DPP10: variants seen among roughly 807,000 people sequenced by gnomAD.
The protein encoded by DPP10 is dipeptidyl peptidase like 10.
DPP10 carries 33 observed loss-of-function variants against 120.9 expected under a neutral mutation model. That is an observed-to-expected ratio of 0.27 (90% CI 0.21 to 0.37). The LOEUF (loss-of-function observed/expected upper bound fraction) is 0.37, where lower values mean the gene tolerates loss of function less well. Ranked by LOEUF, DPP10 falls within the 10% of genes least tolerant of loss-of-function variation. DPP10 has a pLI of 1.00. For missense variants in DPP10, 816 were observed against 942.8 expected (o/e 0.87, Z 1.76); for synonymous variants, 337 against 326.1 (o/e 1.03, Z -0.36).
intron 1 of DPP10, among the ~76,000 whole-genome samples, chr2:114,838,522 T>C (rs995486742): frequency 3.3e-5 from 5 of 151,988 alleles, no homozygotes; most frequent in African/African-American, 1.2e-4. Context: ...ACCATGTTGG[T>C]AAAGTTGGTC....
At chr2:114,971,676 G>A (rs777249533) in intron 1 of DPP10, among the ~76,000 whole-genome samples, 28 of 152,068 alleles carry the variant, frequency 1.8e-4, no homozygotes, top group Admixed American at 3.3e-4. Flanking sequence ...ATAAGATTTC[G>A]CAAGAAACAC....
intron 1 of DPP10, among the ~76,000 whole-genome samples, chr2:114,757,233 G>C (rs1186176048): frequency 7.0e-6 from 1 of 143,018 alleles, no homozygotes; most frequent in East Asian, 2.1e-4. Flanking sequence ...GTGGGGAAGA[G>C]GGAGGAAGGA....
At chr2:115,560,794 T>G (rs1027367697) in intron 5 of DPP10, among the ~76,000 whole-genome samples, 2 of 152,062 alleles carry the variant, frequency 1.3e-5, no homozygotes, top group African/African-American at 4.8e-5. Context: ...CTCATCTTAC[T>G]GTGGTCATTA....
chr2:114,916,446 G>A (rs1379440716), intron 1 of DPP10, among the ~76,000 whole-genome samples: 2 of 152,116 alleles, frequency 1.3e-5, no homozygotes, highest in African/African-American at 2.4e-5. Context: ...AATCAAAGAG[G>A]AGGTATTACT....
intron 5 of DPP10, among the ~76,000 whole-genome samples, chr2:115,639,357 T>G (rs1181131623): frequency 1.3e-5 from 2 of 152,166 alleles, no homozygotes; most frequent in East Asian, 3.9e-4. Context: ...ATAATCTAGT[T>G]AGAAGCTGGC....
At chr2:114,925,098 C>T (rs1330621728) in intron 1 of DPP10, among the ~76,000 whole-genome samples, 4 of 150,616 alleles carry the variant, frequency 2.7e-5, no homozygotes, top group African/African-American at 7.3e-5. Flanking sequence ...GTAGTGCCAG[C>T]TACTCGGCAG....
At chr2:114,752,285 ATCT>A (rs1679305640) in intron 1 of DPP10, among the ~76,000 whole-genome samples, 1 of 152,166 alleles carries the variant, frequency 6.6e-6, no homozygotes, top group Non-Finnish European at 1.5e-5. Context: ...AAAGATAATC[ATCT>A]TCTTACTCTT....
chr2:115,132,412 T>A (rs1218960004), intron 1 of DPP10, among the ~76,000 whole-genome samples: 1 of 152,100 alleles, frequency 6.6e-6, no homozygotes, highest in Non-Finnish European at 1.5e-5. Context: ...GATGCAAATT[T>A]CCCCCACAAA....
At chr2:115,084,359 A>G (rs1380996767) in intron 1 of DPP10, among the ~76,000 whole-genome samples, 3 of 152,226 alleles carry the variant, frequency 2.0e-5, no homozygotes, top group Non-Finnish European at 4.4e-5. Context: ...AAAATTGTTC[A>G]TTTAGCCAGA....
At chr2:115,132,330 A>G (rs1238115705) in intron 1 of DPP10, among the ~76,000 whole-genome samples, 1 of 152,030 alleles carries the variant, frequency 6.6e-6, no homozygotes, top group Non-Finnish European at 1.5e-5. Context: ...TCAGACTCTT[A>G]CTTAATCTTT....
chr2:115,709,826 G>C (rs918573860), intron 7 of DPP10, among the ~76,000 whole-genome samples: 1 of 151,942 alleles, frequency 6.6e-6, no homozygotes, highest in Non-Finnish European at 1.5e-5. Flanking sequence ...GATGGTGCTT[G>C]GAATCTCAGA....
chr2:115,701,360 C>G (rs2091881101), intron 7 of DPP10, among the ~76,000 whole-genome samples: 2 of 151,984 alleles, frequency 1.3e-5, no homozygotes, highest in African/African-American at 4.8e-5. Flanking sequence ...TTTTAAACAA[C>G]TGATACTGGA....
intron 1 of DPP10, among the ~76,000 whole-genome samples, chr2:114,711,286 TA>T (rs1383658579): frequency 6.6e-6 from 1 of 152,174 alleles, no homozygotes; most frequent in Non-Finnish European, 1.5e-5. Context: ...ATATAATACA[TA>T]CTTCCAGCTC....
chr2:115,323,207 A>G (rs1358446975), intron 2 of DPP10, among the ~76,000 whole-genome samples: 1 of 152,160 alleles, frequency 6.6e-6, no homozygotes, highest in African/African-American at 2.4e-5. Context: ...CTTTGTTGTC[A>G]CGTCAACAGT....
chr2:115,054,060 C>T (rs1218532497), intron 1 of DPP10, among the ~76,000 whole-genome samples: 1 of 152,114 alleles, frequency 6.6e-6, no homozygotes, highest in Non-Finnish European at 1.5e-5. Context: ...GATTTATTGT[C>T]ATAGCTACAA....
intron 1 of DPP10, among the ~76,000 whole-genome samples, chr2:114,497,959 T>C (rs748619750): frequency 2.0e-4 from 31 of 152,192 alleles, no homozygotes; most frequent in Non-Finnish European, 4.3e-4. Flanking sequence ...ACTTCCGGTC[T>C]TCACTCTAGC....
chr2:114,646,874 C>T (rs1042850385), intron 1 of DPP10, among the ~76,000 whole-genome samples: 2 of 152,144 alleles, frequency 1.3e-5, no homozygotes, highest in African/African-American at 2.4e-5. Context: ...TCTGGAATTG[C>T]CTCGCTTCCT....
intron 1 of DPP10, among the ~76,000 whole-genome samples, chr2:114,605,117 G>A (rs1692682833): frequency 6.6e-6 from 1 of 152,126 alleles, no homozygotes; most frequent in Admixed American, 6.6e-5. Context: ...AGCAAACCCA[G>A]TGGAGTTCTG....
chr2:115,092,634 T>C (rs1709362569), intron 1 of DPP10, among the ~76,000 whole-genome samples: 2 of 152,270 alleles, frequency 1.3e-5, no homozygotes, highest in South Asian at 4.1e-4. Context: ...AAGTAACATT[T>C]GATATAATAA....
Sources: allele counts gnomAD v4.1 joint callset (sites outside exome capture counted in the v4.1 genomes callset), GRCh38; gene constraint gnomAD v4.1.1; transcripts MANE v1.5; gene names NCBI Gene and HGNC (gene_info 2026-07-23, HGNC 2026-07-21).